PRELID2: variants seen among roughly 807,000 people sequenced by gnomAD.
PRELID2 encodes the protein PRELI domain containing 2.
A neutral mutation model predicts 28.4 loss-of-function variants in PRELID2; 25 were observed. The observed-to-expected ratio is 0.88, with a 90% CI of 0.64 to 1.23. The LOEUF (loss-of-function observed/expected upper bound fraction) is 1.23. Among genes scored for constraint, PRELID2 ranks in the 50% most tolerant of loss-of-function variants. The pLI, the probability that PRELID2 is intolerant of heterozygous loss-of-function variation, is 0.00. For synonymous variants in PRELID2, 76 were observed against 71.6 expected (o/e 1.06, Z -0.31); for missense variants, 201 against 214.4 (o/e 0.94, Z 0.39).
intron 1 of PRELID2, among the ~76,000 whole-genome samples, chr5:145,550,295 C>A (rs946959223): frequency 3.9e-5 from 6 of 152,132 alleles, no homozygotes; most frequent in Non-Finnish European, 7.4e-5. Flanking sequence ...GTGGCCAGAA[C>A]ATAATGAGCA....
chr5:145,765,308 G>C (rs1474218913), intron 5 of PRELID2, among the ~76,000 whole-genome samples: 2 of 152,170 alleles, frequency 1.3e-5, no homozygotes, highest in Non-Finnish European at 2.9e-5. Flanking sequence ...GCCAGAGCTA[G>C]AATGATAATG....
chr5:145,520,620 C>T (rs755975497), intron 1 of PRELID2, among the ~76,000 whole-genome samples: 2 of 152,154 alleles, frequency 1.3e-5, no homozygotes, highest in African/African-American at 4.8e-5. Flanking sequence ...CCACCTGGCA[C>T]GGGGCTGATT....
At chr5:145,229,098 C>T in the PRELID2 span, 3 of 1,461,140 alleles carry the variant, frequency 2.1e-6, no homozygotes, top group Admixed American at 1.7e-5. Flanking sequence ...TCTCACCAGG[C>T]CCTGCATCGC....
At chr5:145,496,148 A>G (rs1752307864) in intron 1 of PRELID2, among the ~76,000 whole-genome samples, 2 of 152,188 alleles carry the variant, frequency 1.3e-5, no homozygotes. Flanking sequence ...TTATGTCTTT[A>G]TAGGAGCTTA....
At chr5:145,518,815 G>A (rs1478158932) in intron 1 of PRELID2, among the ~76,000 whole-genome samples, 1 of 152,154 alleles carries the variant, frequency 6.6e-6, no homozygotes, top group Non-Finnish European at 1.5e-5. Flanking sequence ...ACAGAGGCCA[G>A]GTATGCTGCT....
chr5:145,229,609 C>T, the PRELID2 span: 155 of 1,155,068 alleles, frequency 1.3e-4, no homozygotes, highest in African/African-American at 1.8e-3. Flanking sequence ...ACGGTGTGGG[C>T]TTATTGCCAT....
chr5:145,333,898 C>G, the PRELID2 span, among the ~76,000 whole-genome samples: 1 of 151,824 alleles, frequency 6.6e-6, no homozygotes, highest in African/African-American at 2.4e-5. Flanking sequence ...AAAACCCAGG[C>G]CCTTGGTTTT....
At chr5:145,817,220 A>ATATATATATATATAT (rs1265574987) in intron 4 of PRELID2, among the ~76,000 whole-genome samples, 3 of 66,508 alleles carry the variant, frequency 4.5e-5, no homozygotes, top group African/African-American at 8.1e-5. Context: ...AATAAAAAAA[A>ATATATATATATATAT]ATATATATAT....
chr5:145,801,193 T>C (rs1753117223), intron 4 of PRELID2, among the ~76,000 whole-genome samples: 1 of 152,226 alleles, frequency 6.6e-6, no homozygotes, highest in Non-Finnish European at 1.5e-5. Flanking sequence ...TGAGTATCAC[T>C]TTTATGTAAA....
chr5:145,813,354 TC>T (rs1340251058), intron 4 of PRELID2, among the ~76,000 whole-genome samples: 4 of 152,212 alleles, frequency 2.6e-5, no homozygotes, highest in African/African-American at 9.7e-5. Context: ...TAAATGCCTT[TC>T]TAAATCCATG....
At chr5:145,666,680 C>T (rs1754602279) in intron 1 of PRELID2, among the ~76,000 whole-genome samples, 1 of 152,022 alleles carries the variant, frequency 6.6e-6, no homozygotes, top group Admixed American at 6.6e-5. Flanking sequence ...CACTTAAGAA[C>T]ATGGTTATTA....
At chr5:145,338,765 G>T in the PRELID2 span, among the ~76,000 whole-genome samples, 1 of 152,174 alleles carries the variant, frequency 6.6e-6, no homozygotes, top group South Asian at 2.1e-4. Context: ...TGAAACACTG[G>T]CCCAATATCA....
chr5:145,290,845 AT>A, the PRELID2 span, among the ~76,000 whole-genome samples: 1 of 150,828 alleles, frequency 6.6e-6, no homozygotes, highest in South Asian at 2.1e-4. Flanking sequence ...TCTGGGGCTT[AT>A]CTTTTTATTC....
At chr5:145,492,340 TA>T (rs1752276791) in intron 1 of PRELID2, among the ~76,000 whole-genome samples, 1 of 143,662 alleles carries the variant, frequency 7.0e-6, no homozygotes, top group Admixed American at 6.9e-5. Flanking sequence ...GCAAAATGTC[TA>T]TTCAGGTCCT....
At chr5:145,276,430 C>G in the PRELID2 span, among the ~76,000 whole-genome samples, 3 of 152,210 alleles carry the variant, frequency 2.0e-5, no homozygotes, top group Admixed American at 2.0e-4. Context: ...CAATAGAAAG[C>G]AATTGCCTCC....
chr5:145,339,818 A>G, the PRELID2 span, among the ~76,000 whole-genome samples: 1 of 152,060 alleles, frequency 6.6e-6, no homozygotes, highest in Non-Finnish European at 1.5e-5. Flanking sequence ...CTGAGAGCCT[A>G]GCCTCTAAAG....
At chr5:145,805,002 G>A (rs1156477836) in intron 4 of PRELID2, among the ~76,000 whole-genome samples, 2 of 152,124 alleles carry the variant, frequency 1.3e-5, no homozygotes, top group African/African-American at 4.8e-5. Flanking sequence ...CTATTGTCTC[G>A]AGATCTTTAG....
chr5:145,595,161 G>GACACACACACACACACACAC (rs3038287), intron 1 of PRELID2, among the ~76,000 whole-genome samples: 1 of 131,192 alleles, frequency 7.6e-6, no homozygotes, highest in Non-Finnish European at 1.6e-5. Context: ...AGTCATAATA[G>GACACACACACACACACACAC]ACACACACAC....
the PRELID2 span, among the ~76,000 whole-genome samples, chr5:145,265,274 C>A: frequency 6.6e-6 from 1 of 151,890 alleles, no homozygotes. Flanking sequence ...AGGTGAAAGA[C>A]CTCTACAAGG....
Sources: allele counts gnomAD v4.1 joint callset (sites outside exome capture counted in the v4.1 genomes callset), GRCh38; gene constraint gnomAD v4.1.1; transcripts MANE v1.5; gene names NCBI Gene and HGNC (gene_info 2026-07-23, HGNC 2026-07-21).